BMPER: variants seen among roughly 807,000 people sequenced by gnomAD.
BMPER encodes the protein BMP-binding endothelial regulator protein.
BMPER carries 45 observed loss-of-function variants against 87.3 expected under a neutral mutation model. That is an observed-to-expected ratio of 0.52 (90% CI 0.41 to 0.66). The LOEUF is 0.66. Ranked by LOEUF, BMPER falls within the 30% of genes least tolerant of loss-of-function variation. The probability of loss-of-function intolerance (pLI) is 0.00; values close to 1 mark genes in which losing one functional copy is unlikely to be tolerated. For missense variants in BMPER, 784 were observed against 867.5 expected (o/e 0.90, Z 1.21); for synonymous variants, 326 against 316.2 (o/e 1.03, Z -0.33).
At chr7:34,034,799 G>C (rs1391071121) in intron 6 of BMPER, among the ~76,000 whole-genome samples, 1 of 152,218 alleles carries the variant, frequency 6.6e-6, no homozygotes, top group Non-Finnish European at 1.5e-5. Flanking sequence ...CAGATGCCAA[G>C]TTATGTTGGT....
intron 13 of BMPER, among the ~76,000 whole-genome samples, chr7:34,104,912 C>T (rs528735578): frequency 2.6e-5 from 4 of 152,214 alleles, no homozygotes; most frequent in East Asian, 1.9e-4. Context: ...AGAAATGACT[C>T]GTCTATTTTC....
intron 6 of BMPER, among the ~76,000 whole-genome samples, chr7:33,991,292 G>C (rs1786209522): frequency 6.6e-6 from 1 of 151,706 alleles, no homozygotes; most frequent in East Asian, 1.9e-4. Context: ...CACAATTTTA[G>C]TTCCTGTTAT....
chr7:33,951,476 T>C (rs1014069942), intron 3 of BMPER, among the ~76,000 whole-genome samples: 3 of 152,218 alleles, frequency 2.0e-5, no homozygotes, highest in Non-Finnish European at 2.9e-5. Flanking sequence ...ACCCATTTTT[T>C]ACATTTCACT....
intron 3 of BMPER, among the ~76,000 whole-genome samples, chr7:33,951,760 C>T (rs1291426090): frequency 6.6e-5 from 10 of 152,144 alleles, no homozygotes; most frequent in Non-Finnish European, 1.5e-4. Context: ...CAGCATGTGT[C>T]TCATGATGTC....
chr7:33,924,970 CT>C (rs1451523585), intron 2 of BMPER, among the ~76,000 whole-genome samples: 1 of 152,160 alleles, frequency 6.6e-6, no homozygotes, highest in African/African-American at 2.4e-5. Flanking sequence ...CCTAAAGGAT[CT>C]TTTTCTGATC....
intron 2 of BMPER, among the ~76,000 whole-genome samples, chr7:33,917,626 TG>T (rs1784117739): frequency 6.6e-6 from 1 of 152,158 alleles, no homozygotes; most frequent in East Asian, 1.9e-4. Flanking sequence ...AGCGAGGATA[TG>T]CAGATAAATG....
At position 34,127,811 on chromosome 7, in the gene BMPER, G is replaced by C. The variant is rs114680515; in HGVS notation, c.1746-15419G>C. ...CCTCTCAATTTCTACTGGTGTTCCC[G>C]CAGGTAAGTGGTGTCTTTCCCTCTT... On this transcript the variant is annotated intron_variant, in intron 13 of 14. Coordinates refer to ENST00000649409, the MANE Select transcript of BMPER (RefSeq NM_001365308.1). Among the ~76,000 whole-genome samples the C allele has an allele frequency of 4.8e-3, 733 of 152,160 alleles. 5 individuals carry two copies. The highest frequency in any genetic ancestry group is 0.016 in the African/African-American group (652 of 41,518).
chr7:34,050,925 C>G (rs893583288), intron 7 of BMPER, among the ~76,000 whole-genome samples: 13 of 152,272 alleles, frequency 8.5e-5, no homozygotes, highest in African/African-American at 3.1e-4. Flanking sequence ...TAGCTTCACC[C>G]TTTATTCCTT....
chr7:33,922,810 G>T (rs1197954052), intron 2 of BMPER, among the ~76,000 whole-genome samples: 1 of 152,114 alleles, frequency 6.6e-6, no homozygotes, highest in East Asian at 1.9e-4. Context: ...TCAGGTGGGG[G>T]TTAGTAAATA....
chr7:33,928,337 C>T (rs1784407496), intron 2 of BMPER, among the ~76,000 whole-genome samples: 2 of 152,144 alleles, frequency 1.3e-5, no homozygotes, highest in Admixed American at 6.5e-5. Context: ...CGATCCCTGG[C>T]TCTGCGTGTT....
chr7:33,940,975 TTA>T (rs1325493208), intron 3 of BMPER, among the ~76,000 whole-genome samples: 1 of 135,438 alleles, frequency 7.4e-6, no homozygotes, highest in Non-Finnish European at 1.5e-5. Flanking sequence ...ATAATATAAT[TTA>T]TATATATTAT....
intron 13 of BMPER, among the ~76,000 whole-genome samples, chr7:34,141,015 A>G (rs952893449): frequency 2.6e-5 from 4 of 152,150 alleles, no homozygotes; most frequent in African/African-American, 9.7e-5. Context: ...AAAGTGAAGT[A>G]GGAATGGGAT....
intron 11 of BMPER, among the ~76,000 whole-genome samples, chr7:34,065,201 TCA>T (rs370266864): frequency 0.05 from 4,404 of 88,432 alleles, 85 homozygotes; most frequent in African/African-American, 0.081. Context: ...ACATACACAC[TCA>T]CTCTCTCTCT....
chr7:34,112,421 C>T (rs773584403), intron 13 of BMPER, among the ~76,000 whole-genome samples: 34 of 145,766 alleles, frequency 2.3e-4, no homozygotes, highest in Non-Finnish European at 4.0e-4. Context: ...GCGTGAACCT[C>T]GGAGGCGGAG....
rs558530072 is a variant in BMPER, at chr7:34,113,838, C to T, written c.1745+27746C>T. On this transcript the variant is annotated intron_variant, in intron 13 of 14. Coordinates refer to ENST00000649409, the MANE Select transcript of BMPER (RefSeq NM_001365308.1). ...GGGGTGTAATTACTCAACCACAATA[C>T]TGGTTTTATTTGTAAGTTCCTTCTT... Among the ~76,000 whole-genome samples the T allele has an allele frequency of 1.7e-4, 26 of 152,196 alleles. No homozygotes were observed. In the South Asian group the frequency reaches 4.4e-3, roughly 25 times the overall value.
At chr7:33,954,761 A>G (rs1785110887) in intron 3 of BMPER, among the ~76,000 whole-genome samples, 1 of 152,150 alleles carries the variant, frequency 6.6e-6, no homozygotes, top group South Asian at 2.1e-4. Flanking sequence ...TCCAGCTTGG[A>G]TGAGGTGTGG....
chr7:34,047,185 G>A (rs1434821545), intron 7 of BMPER, among the ~76,000 whole-genome samples: 1 of 152,160 alleles, frequency 6.6e-6, no homozygotes, highest in Non-Finnish European at 1.5e-5. Context: ...GTTGCCAGCT[G>A]AAAGGGGACA....
At chr7:33,988,944 C>T (rs1786105841) in intron 6 of BMPER, among the ~76,000 whole-genome samples, 1 of 132,974 alleles carries the variant, frequency 7.5e-6, no homozygotes, top group Non-Finnish European at 1.6e-5. Flanking sequence ...AGGACATGAA[C>T]TCATCATTTT....
At chr7:34,145,246 C>G (rs2127995204) in intron 14 of BMPER, among the ~76,000 whole-genome samples, 1 of 152,232 alleles carries the variant, frequency 6.6e-6, no homozygotes, top group East Asian at 1.9e-4. Context: ...GTTGCTGAAG[C>G]TTCCTCAGCT....
Sources: gnomAD v4.1 joint callset for allele counts (sites outside exome capture counted in the v4.1 genomes callset) on GRCh38, gnomAD v4.1.1 for gene constraint, MANE v1.5 for transcripts, NCBI Gene and HGNC (gene_info 2026-07-23, HGNC 2026-07-21) for gene names.